Variants in GABRA2 observed in about 807,000 individuals in gnomAD.
GABRA2 encodes the protein gamma-aminobutyric acid receptor subunit alpha-2.
Under a neutral mutation model 48.7 loss-of-function variants are expected in GABRA2, and 16 were observed. The observed-to-expected ratio is 0.33, with a 90% confidence interval of 0.22 to 0.50. GABRA2 has a LOEUF of 0.50. Ranked by LOEUF, GABRA2 falls within the 20% of genes least tolerant of loss-of-function variation. The probability of loss-of-function intolerance (pLI) is 0.98; values close to 1 mark genes in which losing one functional copy is unlikely to be tolerated. For synonymous variants in GABRA2, 185 were observed against 184.5 expected, an observed-to-expected ratio of 1.00 and a Z score of -0.02; for missense variants, 275 against 535.6, an observed-to-expected ratio of 0.51 and a Z score of 4.80.
chr4:46,377,187 C>T (rs1444774218), intron 3 of GABRA2, among the ~76,000 whole-genome samples: 3 of 151,892 alleles, frequency 2.0e-5, no homozygotes, highest in Non-Finnish European at 4.4e-5. Flanking sequence ...CGTCTCTGCC[C>T]GGCCGCCCAT....
chr4:46,273,108 A>G (rs940042533), intron 8 of GABRA2, among the ~76,000 whole-genome samples: 26 of 151,656 alleles, frequency 1.7e-4, no homozygotes, highest in African/African-American at 6.3e-4. Context: ...CTTATTTAAA[A>G]TATTACTTTG....
intron 9 of GABRA2, among the ~76,000 whole-genome samples, chr4:46,254,571 T>C (rs1405360619): frequency 2.0e-5 from 3 of 151,316 alleles, no homozygotes; most frequent in Admixed American, 1.3e-4. Flanking sequence ...GCCAAAAATA[T>C]ACACCGTGTT....
chr4:46,324,274 G>A (rs535454726), intron 4 of GABRA2, among the ~76,000 whole-genome samples: 1 of 152,014 alleles, frequency 6.6e-6, no homozygotes, highest in East Asian at 1.9e-4. Context: ...TATTCTTAAA[G>A]TCACAATTTC....
intron 9 of GABRA2, chr4:46,261,163 A>G (rs545153843): frequency 6.6e-6 from 1 of 152,242 alleles, no homozygotes; most frequent in Middle Eastern, 3.4e-3. Context: ...AACAGCTGTT[A>G]TATCAATGCA....
At chr4:46,317,195 G>C (rs1388502603) in intron 4 of GABRA2, among the ~76,000 whole-genome samples, 2 of 151,842 alleles carry the variant, frequency 1.3e-5, no homozygotes, top group Non-Finnish European at 2.9e-5. Flanking sequence ...AAAGTCACAT[G>C]AGTCTAATCT....
At chr4:46,328,054 A>G (rs938493191) in intron 4 of GABRA2, among the ~76,000 whole-genome samples, 1 of 152,068 alleles carries the variant, frequency 6.6e-6, no homozygotes, top group Non-Finnish European at 1.5e-5. Flanking sequence ...AGGGAAAAAA[A>G]CAGTAGAGCA....
chr4:46,348,348 A>G (rs1374983523), intron 3 of GABRA2, among the ~76,000 whole-genome samples: 1 of 152,044 alleles, frequency 6.6e-6, no homozygotes, highest in African/African-American at 2.4e-5. Flanking sequence ...TAGTTCAACC[A>G]TTGTGGAAGT....
intron 3 of GABRA2, among the ~76,000 whole-genome samples, chr4:46,363,278 A>T (rs1256184658): frequency 2.6e-5 from 4 of 152,210 alleles, no homozygotes; most frequent in Non-Finnish European, 4.4e-5. Flanking sequence ...TAGTGGAGAC[A>T]GGCGATAAGT....
At chr4:46,316,862 C>T (rs1377116264) in intron 4 of GABRA2, among the ~76,000 whole-genome samples, 2 of 151,950 alleles carry the variant, frequency 1.3e-5, no homozygotes, top group Non-Finnish European at 2.9e-5. Context: ...GCTTTTCTTT[C>T]TCTTGACAAT....
intron 8 of GABRA2, among the ~76,000 whole-genome samples, chr4:46,282,497 T>A (rs113591352): frequency 6.6e-6 from 1 of 152,310 alleles, no homozygotes; most frequent in East Asian, 1.9e-4. Context: ...TGAAACAGCC[T>A]TTACTAAAAC....
At chr4:46,311,837 G>T (rs573865272) in intron 5 of GABRA2, among the ~76,000 whole-genome samples, 1 of 152,342 alleles carries the variant, frequency 6.6e-6, no homozygotes, top group South Asian at 2.1e-4. Context: ...GGAGGCTCAT[G>T]CCTGTAATCC....
intron 4 of GABRA2, among the ~76,000 whole-genome samples, chr4:46,313,176 AAG>A (rs1727957114): frequency 6.7e-6 from 1 of 150,212 alleles, no homozygotes; most frequent in Non-Finnish European, 1.5e-5. Context: ...AAAAATTAAA[AAG>A]AAAAAACATA....
At chr4:46,282,369 C>T (rs192874520) in intron 8 of GABRA2, among the ~76,000 whole-genome samples, 80 of 152,174 alleles carry the variant, frequency 5.3e-4, no homozygotes, top group African/African-American at 6.7e-4. Flanking sequence ...GACTTTGGGA[C>T]GGGAGACATA....
intron 8 of GABRA2, among the ~76,000 whole-genome samples, chr4:46,300,060 G>C (rs112687096): frequency 1.3e-5 from 2 of 151,908 alleles, no homozygotes; most frequent in Non-Finnish European, 2.9e-5. Flanking sequence ...ATTAATAATA[G>C]TAATAATGAT....
chr4:46,384,738 G>A (rs1383793665), intron 3 of GABRA2, among the ~76,000 whole-genome samples: 1 of 152,134 alleles, frequency 6.6e-6, no homozygotes, highest in African/African-American at 2.4e-5. Context: ...TCTTATACAA[G>A]TTTGGCCAAT....
intron 6 of GABRA2, among the ~76,000 whole-genome samples, chr4:46,307,316 A>G (rs140084830): frequency 7.2e-5 from 11 of 152,192 alleles, no homozygotes; most frequent in African/African-American, 2.6e-4. Flanking sequence ...CCATGAATAC[A>G]TATTCTGGCG....
At position 46,386,278 on chromosome 4, in the gene GABRA2, C is replaced by T. The variant is rs964436080; in HGVS notation, c.72-89G>A. On this transcript the variant is annotated intron_variant, in intron 2 of 9. Coordinates refer to ENST00000381620, the MANE Select transcript of GABRA2 (RefSeq NM_000807.4). The stretch of plus-strand genomic sequence containing the variant: ...TTTTCTTCCTTAATTTAAATTTTAA[C>T]ACTCCCTGAGCTATTAGTACCACCC... 10 of 765,902 alleles carry T rather than the reference C, an allele frequency of 1.3e-5. No homozygotes were observed. In the East Asian group the frequency reaches 2.9e-4, roughly 23 times the overall value. 47.4% of individuals were successfully genotyped at this position (765,902 alleles called of 1,614,324 possible).
intron 8 of GABRA2, 68 bp from the exon 9 acceptor site, chr4:46,262,196 T>G: frequency 7.7e-7 from 1 of 1,292,138 alleles, no homozygotes; most frequent in South Asian, 1.2e-5. Flanking sequence ...GAAGTAGCTT[T>G]TCTTTCTCCC....
chr4:46,260,082 A>G (rs1181114239), intron 9 of GABRA2, among the ~76,000 whole-genome samples: 2 of 151,808 alleles, frequency 1.3e-5, no homozygotes, highest in African/African-American at 4.8e-5. Flanking sequence ...TCCCACTGGT[A>G]TTATATTGTC....
Sources: gnomAD v4.1 joint callset for allele counts (sites outside exome capture counted in the v4.1 genomes callset) on GRCh38, gnomAD v4.1.1 for gene constraint, MANE v1.5 for transcripts, NCBI Gene and HGNC (gene_info 2026-07-23, HGNC 2026-07-21) for gene names.